The following WDR5 variants were observed in gnomAD, a reference collection of about 807,000 sequenced individuals.
WDR5 encodes WD repeat domain 5.
For synonymous variants in WDR5, 144 were observed against 161.6 expected (o/e 0.89, Z 0.83); for missense variants, 187 against 416.9 (o/e 0.45, Z 4.80).
intron 9 of WDR5, 147 bp downstream of exon 9, chr9:134,152,176 C>G (rs1354973924): frequency 2.1e-6 from 2 of 951,442 alleles, no homozygotes; most frequent in Middle Eastern, 2.9e-4. Flanking sequence ...CCGACCGTTC[C>G]GCCAGCTCCC....
At chr9:134,140,040 C>T in intron 2 of WDR5, 82 bp downstream of exon 2, 1 of 1,472,990 alleles carries the variant, frequency 6.8e-7, no homozygotes, top group African/African-American at 1.4e-5. Flanking sequence ...GCTCATAAGC[C>T]TAGTCTTCCC....
intron 8 of WDR5, among the ~76,000 whole-genome samples, 196 bp downstream of exon 8, chr9:134,148,539 G>A (rs1183175755): frequency 6.6e-6 from 1 of 152,150 alleles, no homozygotes; most frequent in Non-Finnish European, 1.5e-5. Context: ...CAGGTGGTGG[G>A]GCGGCATGCC....
intron 7 of WDR5, among the ~76,000 whole-genome samples, chr9:134,145,097 T>TTTTTTG (rs1491403392): frequency 2.1e-4 from 4 of 18,758 alleles, no homozygotes; most frequent in East Asian, 1.8e-3. Flanking sequence ...TGGGGCTTTG[T>TTTTTTG]TTTTTTTTTT....
At position 134,142,734 on chromosome 9, in the gene WDR5, C is replaced by CA. The variant is rs1194963548; in HGVS notation, c.528+16dup. On this transcript the variant is annotated intron_variant, in intron 7 of 13. Coordinates refer to ENST00000358625, the MANE Select transcript of WDR5 (RefSeq NM_017588.3). ...CAGTCTCGGCCGTAAGTCCCTCTGA[C>CA]ACGGATGGGGTGGTGTCCAGCACTA... 1.1e-5 allele frequency: 17 copies of CA among 1,613,498 alleles called. No homozygotes were observed. The African/African-American group carries it at 1.9e-4, about 18-fold the overall frequency.
chr9:134,142,891 A>G (rs1002919478), intron 7 of WDR5, among the ~76,000 whole-genome samples, 172 bp downstream of exon 7: 1 of 152,190 alleles, frequency 6.6e-6, no homozygotes, highest in Non-Finnish European at 1.5e-5. Flanking sequence ...GACTTGAGAA[A>G]TGAGTCCTGT....
At chr9:134,155,664 T>G (rs745612475) in intron 11 of WDR5, 29 bp from the exon 12 acceptor site, 2 of 1,609,606 alleles carry the variant, frequency 1.2e-6, no homozygotes, top group African/African-American at 2.7e-5. Flanking sequence ...ACCATGACTC[T>G]GTGACCAGCC....
At chr9:134,138,830 A>G (rs1166149409) in intron 1 of WDR5, among the ~76,000 whole-genome samples, 1 of 152,164 alleles carries the variant, frequency 6.6e-6, no homozygotes, top group Non-Finnish European at 1.5e-5. Context: ...ACAGTGTGTA[A>G]ACTCATTAGA....
intron 11 of WDR5, 96 bp from the exon 12 acceptor site, chr9:134,155,597 T>C: frequency 7.3e-7 from 1 of 1,365,054 alleles, no homozygotes; most frequent in South Asian, 1.3e-5. Flanking sequence ...CAGAAATAAG[T>C]GAAGTGAGTA....
chr9:134,142,297 A>G (rs766730527), intron 5 of WDR5, 36 bp from the exon 6 acceptor site: 6 of 1,594,970 alleles, frequency 3.8e-6, no homozygotes, highest in Non-Finnish European at 5.2e-6. Flanking sequence ...TTGGGGAAAT[A>G]AGCACTGGAA....
In WDR5 at chr9:134,140,043, G is replaced by C. The variant is rs1259109937; in HGVS notation, c.81+85G>C. 4 of 1,478,302 alleles carry C rather than the reference G, an allele frequency of 2.7e-6. No homozygotes were observed. The African/African-American group carries it at 5.5e-5, about 20-fold the overall frequency. The allele number at this position is 1,478,302 out of a possible 1,614,324, so 91.6% of individuals were successfully genotyped here. The stretch of plus-strand genomic sequence containing the variant: ...GAAACATCTCAAGCTCATAAGCCTA[G>C]TCTTCCCTACTCAGTTAAATGTCAC... On this transcript the variant is annotated intron_variant, in intron 2 of 13. Transcript: ENST00000358625.
chr9:134,155,918 C>A, intron 12 of WDR5, 151 bp downstream of exon 12: 1 of 724,420 alleles, frequency 1.4e-6, no homozygotes, highest in Non-Finnish European at 2.3e-6. Flanking sequence ...CGCCAAGTAC[C>A]GGGGACACCT....
intron 4 of WDR5, 130 bp downstream of exon 4, chr9:134,141,713 T>A (rs1831897781): frequency 9.6e-7 from 1 of 1,046,268 alleles, no homozygotes; most frequent in Admixed American, 2.7e-5. Context: ...TTTTTTATAG[T>A]TATTTGCATC....
chr9:134,141,835 T>C, intron 4 of WDR5, 114 bp from the exon 5 acceptor site: 1 of 1,109,006 alleles, frequency 9.0e-7, no homozygotes, highest in East Asian at 2.4e-5. Context: ...TTTTGTAAGG[T>C]TAACACTAGT....
In WDR5 at chr9:134,157,409, C is replaced by T. The variant is rs1832794448; in HGVS notation, c.905-484C>T. ...GGACTTGTCCTTGCTGTGACAGAGC[C>T]AGCCCTGTGGGGTGCTCTGGGGCTT... On this transcript the variant is annotated intron_variant, in intron 13 of 13. Transcript: ENST00000358625. This position sits in a 1 kb window ranked among gnomAD's most constrained non-coding sequence, Gnocchi z 5.0. Among the ~76,000 whole-genome samples the T allele has an allele frequency of 6.6e-6, 1 of 152,168 alleles. No homozygotes were observed. Among genetic ancestry groups the T allele is most frequent in the Admixed American group, 6.5e-5 (1 of 15,280 alleles).
chr9:134,136,871 G>A (rs1564185777), intron 1 of WDR5, among the ~76,000 whole-genome samples: 2 of 152,238 alleles, frequency 1.3e-5, no homozygotes, highest in South Asian at 4.1e-4. Flanking sequence ...CACTCACCCC[G>A]GTCCGTTTAC....
intron 3 of WDR5, among the ~76,000 whole-genome samples, chr9:134,141,143 G>A (rs753559847): frequency 6.6e-5 from 10 of 152,130 alleles, no homozygotes; most frequent in Non-Finnish European, 1.3e-4. Context: ...AAGATTAGCC[G>A]GGCATGGTGG....
Position 134,139,831 on chromosome 9 carries a change from C to T in WDR5, c.-47C>T. 1.9e-6 allele frequency: 3 copies of T among 1,606,108 alleles called. No individual in the cohort carries two copies. Among genetic ancestry groups the T allele is most frequent in the Non-Finnish European group, 2.6e-6 (3 of 1,173,654 alleles). Reference sequence around the variant, plus strand: ...ATCTCGCTCAACAGACTGCCTCTGTCACCGGGTCCCTCCACCCTTGTCTCC... The same window carrying T: ...ATCTCGCTCAACAGACTGCCTCTGTTACCGGGTCCCTCCACCCTTGTCTCC... On this transcript the variant is annotated 5_prime_UTR_variant, in exon 2 of 14. Coordinates refer to ENST00000358625, the MANE Select transcript of WDR5 (RefSeq NM_017588.3).
In WDR5 at chr9:134,140,810, A is replaced by T. The variant is rs1350911221; in HGVS notation, c.189A>T (p.Ser63=). The change falls in exon 3 of 14, where the codon TCA becomes TCT. Residue 63 remains serine (S), a splice_region_variant and synonymous_variant. Coordinates refer to ENST00000358625, the MANE Select transcript of WDR5 (RefSeq NM_017588.3). The part of the protein sequence containing the change: ...FSPNGEWLAS[S]SADKLIKIWG... ...CGAATGGAGAGTGGCTGGCAAGTTC[A>T]TGTACGTAGCACTGAGGCCCTTAGC... is the stretch of plus-strand genomic sequence containing the variant. 6.2e-7 allele frequency: 1 copy of T among 1,613,662 alleles called. No homozygotes were observed. The highest frequency in any genetic ancestry group is 8.5e-7 in the Non-Finnish European group (1 of 1,179,702).
chr9:134,144,401 A>G (rs1832062408), intron 7 of WDR5, among the ~76,000 whole-genome samples: 1 of 152,234 alleles, frequency 6.6e-6, no homozygotes, highest in Admixed American at 6.5e-5. Flanking sequence ...AACCTGAGAA[A>G]GGGGTTCGCT....
Sources: gnomAD v4.1 joint callset for allele counts (sites outside exome capture counted in the v4.1 genomes callset) on GRCh38, gnomAD v4.1.1 for gene constraint, Gnocchi (gnomAD v3.1) non-coding constraint, MANE v1.5 for transcripts, NCBI Gene and HGNC (gene_info 2026-07-23, HGNC 2026-07-21) for gene names.